Variants in ZNF565 observed in about 807,000 individuals in gnomAD.
The protein encoded by ZNF565 is zinc finger protein 565.
Under a neutral mutation model 39.4 loss-of-function variants are expected in ZNF565, and 27 were observed. The ratio of observed to expected loss-of-function variants is 0.69; its 90% CI spans 0.51 to 0.95. ZNF565 has a LOEUF of 0.95. Ranked by LOEUF, ZNF565 falls within the 40% of genes least tolerant of loss-of-function variation. The probability of loss-of-function intolerance (pLI) is 0.00; values close to 1 mark genes in which losing one functional copy is unlikely to be tolerated. For synonymous variants in ZNF565, 185 were observed against 216.6 expected (o/e 0.85, Z 1.28); for missense variants, 524 against 621.1 (o/e 0.84, Z 1.66).
At chr19:36,204,495 A>G (rs1041196988) in intron 1 of ZNF565, among the ~76,000 whole-genome samples, 18 of 152,192 alleles carry the variant, frequency 1.2e-4, no homozygotes, top group Admixed American at 9.8e-4. Context: ...GTGCTGTCCA[A>G]ATAATGTTCT....
At chr19:36,235,235 G>C (rs775608460) in intron 1 of ZNF565, among the ~76,000 whole-genome samples, 6 of 147,658 alleles carry the variant, frequency 4.1e-5, no homozygotes, top group Non-Finnish European at 7.5e-5. Context: ...AAAGAAAGAT[G>C]AACATTATTT....
rs572648616 is a variant in ZNF565, at chr19:36,221,600, T to C, written c.56-19550A>G. ...ACCGTGCCTGGCCAAGGCACTACTT[T>C]TTAAAAAATGAATTTGATTACTATT... On this transcript the variant is annotated intron_variant, in intron 1 of 4. Coordinates refer to the ZNF565 transcript ENST00000355114. Among the ~76,000 whole-genome samples the C allele has an allele frequency of 3.9e-5, 6 of 152,292 alleles. No individual in the cohort carries two copies. In the South Asian group the frequency reaches 1.2e-3, roughly 32 times the overall value.
At position 36,236,387 on chromosome 19, in the gene ZNF565, C is replaced by A. The variant is rs1977644168; in HGVS notation, c.55+9089G>T. Reference sequence around the variant, plus strand: ...CAGCCAAAAGTAAATCCTCACTCATCAAGAAATTTTTACTGGAGAGAAACC... The same window carrying A: ...CAGCCAAAAGTAAATCCTCACTCATAAAGAAATTTTTACTGGAGAGAAACC... On this transcript the variant is annotated intron_variant, in intron 1 of 4. Transcript: ENST00000355114. The A allele has an allele frequency of 2.3e-5, 36 of 1,537,836 alleles. No homozygotes were observed. In the South Asian group the frequency reaches 4.0e-4, roughly 17 times the overall value.
chr19:36,228,132 C>T (rs1449742304), intron 1 of ZNF565, among the ~76,000 whole-genome samples: 1 of 144,742 alleles, frequency 6.9e-6, no homozygotes, highest in Non-Finnish European at 1.5e-5. Context: ...TGCACTCTAG[C>T]CTGGGCAACA....
At chr19:36,206,043 C>T (rs1265482027) in intron 1 of ZNF565, among the ~76,000 whole-genome samples, 1 of 151,712 alleles carries the variant, frequency 6.6e-6, no homozygotes, top group Non-Finnish European at 1.5e-5. Context: ...CTCACTGCAA[C>T]TTCCACCTCC....
intron 4 of ZNF565, among the ~76,000 whole-genome samples, chr19:36,187,700 T>G (rs1200006349): frequency 1.4e-5 from 2 of 146,764 alleles, no homozygotes; most frequent in Non-Finnish European, 3.0e-5. Flanking sequence ...TGCAGTGGCA[T>G]AATCTTGGCT....
At chr19:36,200,186 C>T (rs570489547) in intron 2 of ZNF565, among the ~76,000 whole-genome samples, 12 of 151,568 alleles carry the variant, frequency 7.9e-5, no homozygotes, top group Admixed American at 2.0e-4. Flanking sequence ...CCATCATGCC[C>T]GGCTAATTTT....
At chr19:36,188,521 G>A (rs1469575119) in intron 4 of ZNF565, among the ~76,000 whole-genome samples, 1 of 151,922 alleles carries the variant, frequency 6.6e-6, no homozygotes, top group Non-Finnish European at 1.5e-5. Flanking sequence ...AGACCAGCCT[G>A]GCCAATGTGG....
At chr19:36,214,156 A>C (rs990568867) in intron 1 of ZNF565, among the ~76,000 whole-genome samples, 1 of 151,958 alleles carries the variant, frequency 6.6e-6, no homozygotes, top group Non-Finnish European at 1.5e-5. Flanking sequence ...ACACATACAC[A>C]CAAACACACA....
intron 1 of ZNF565, among the ~76,000 whole-genome samples, chr19:36,243,608 T>C (rs1977833874): frequency 6.6e-6 from 1 of 152,222 alleles, no homozygotes; most frequent in Admixed American, 6.5e-5. Flanking sequence ...CAGAGCTGTG[T>C]GATGGGTTCA....
At chr19:36,201,820 G>A (rs903848609) in intron 2 of ZNF565, among the ~76,000 whole-genome samples, 157 bp downstream of exon 2, 2 of 152,118 alleles carry the variant, frequency 1.3e-5, no homozygotes, top group African/African-American at 2.4e-5. Flanking sequence ...GTGCTGGAGA[G>A]GAGAGGGCCA....
chr19:36,228,452 G>C (rs1977180326), intron 1 of ZNF565: 1 of 152,248 alleles, frequency 6.6e-6, no homozygotes, highest in Non-Finnish European at 1.5e-5. Flanking sequence ...TCCTGTGTAA[G>C]TAAAATTCTG....
rs572435817 is a variant in ZNF565 at position 36,183,510 on chromosome 19, C to T, written c.456G>A (p.Thr152=). 29 of 1,614,216 alleles carry T rather than the reference C, an allele frequency of 1.8e-5. No individual in the cohort carries two copies. Among genetic ancestry groups the T allele is most frequent in the African/African-American group, 4.0e-5 (3 of 75,050 alleles). The change falls in exon 5 of 5, where the codon ACG becomes ACA. Residue 152 remains threonine, a synonymous_variant. Transcript: ENST00000304116. ...YGHMPVFQHH[T]SHTVRQSRET... is the part of the protein sequence containing the mutation. Reference sequence around the variant, plus strand: ...CCCTGCTCTGACGTACAGTGTGAGACGTGTGATGCTGGAACACGGGCATAT... The same window carrying T: ...CCCTGCTCTGACGTACAGTGTGAGATGTGTGATGCTGGAACACGGGCATAT...
intron 1 of ZNF565, among the ~76,000 whole-genome samples, chr19:36,220,094 G>A (rs1358407200): frequency 6.6e-6 from 1 of 152,102 alleles, no homozygotes; most frequent in East Asian, 1.9e-4. Context: ...TGCACTGCAG[G>A]CTTGTATCTT....
chr19:36,229,083 G>A (rs1977206556), intron 1 of ZNF565, among the ~76,000 whole-genome samples: 1 of 152,172 alleles, frequency 6.6e-6, no homozygotes, highest in East Asian at 1.9e-4. Context: ...CACTGTGGTG[G>A]CTGTTCTCCT....
chr19:36,232,635 G>A (rs985535092), intron 1 of ZNF565, among the ~76,000 whole-genome samples: 40 of 140,352 alleles, frequency 2.8e-4, no homozygotes, highest in Non-Finnish European at 7.6e-5. Context: ...CCGAGACATA[G>A]TCTCCCTCTG....
At chr19:36,219,568 A>G (rs1017685524), upstream of ZNF565, among the ~76,000 whole-genome samples, 3 of 152,284 alleles carry the variant, frequency 2.0e-5, no homozygotes, top group South Asian at 6.2e-4. Context: ...GTGATCTTAC[A>G]TACTTCAAAT....
intron 1 of ZNF565, among the ~76,000 whole-genome samples, chr19:36,233,070 A>G (rs1458527936): frequency 6.6e-6 from 1 of 152,202 alleles, no homozygotes; most frequent in Admixed American, 6.5e-5. Context: ...AAAAAATTAA[A>G]TATGTATTTT....
upstream of ZNF565, among the ~76,000 whole-genome samples, chr19:36,216,130 G>A (rs1339605458): frequency 3.9e-5 from 6 of 152,066 alleles, no homozygotes; most frequent in Admixed American, 3.9e-4. Flanking sequence ...TAAATAAATA[G>A]CCTTCTAATT....
Sources: allele counts gnomAD v4.1 joint callset (sites outside exome capture counted in the v4.1 genomes callset), GRCh38; gene constraint gnomAD v4.1.1; transcripts MANE v1.5; gene names NCBI Gene and HGNC (gene_info 2026-07-23, HGNC 2026-07-21).